DAB1: variants seen among roughly 807,000 people sequenced by gnomAD.
DAB1 encodes DAB adaptor protein 1.
Under a neutral mutation model 64.6 loss-of-function variants are expected in DAB1, and 15 were observed. That is an observed-to-expected ratio of 0.23 (90% CI 0.16 to 0.36). DAB1 has a LOEUF of 0.36. Among genes scored for constraint, DAB1 ranks in the 10% least tolerant of loss-of-function variants. The pLI, the probability that DAB1 is intolerant of heterozygous loss-of-function variation, is 1.00. For synonymous variants in DAB1, 235 were observed against 251.9 expected, an observed-to-expected ratio of 0.93 and a Z score of 0.64; for missense variants, 596 against 706.7, an observed-to-expected ratio of 0.84 and a Z score of 1.78.
At chr1:58,481,495 C>T (rs752482755) in intron 3 of DAB1, among the ~76,000 whole-genome samples, 2 of 151,612 alleles carry the variant, frequency 1.3e-5, no homozygotes, top group Non-Finnish European at 2.9e-5. Flanking sequence ...TCTAGCAGAC[C>T]GGAGAATCAT....
rs371204956 is a variant in DAB1, at chr1:57,217,713, C to A, written c.68-72284G>T. On this transcript the variant is annotated intron_variant, in intron 2 of 14. Transcript: ENST00000371236. ...TATTTTCCTGATAAAACTGTTCACCCTAATTCATAGTTCTGATGGTGACAC... is the reference window on the plus strand; with the variant it reads ...TATTTTCCTGATAAAACTGTTCACCATAATTCATAGTTCTGATGGTGACAC... Among the ~76,000 whole-genome samples the A allele has an allele frequency of 2.0e-5, 3 of 152,072 alleles. No individual in the cohort carries two copies. In the East Asian group the frequency reaches 5.8e-4, roughly 29 times the overall value.
chr1:57,234,867 A>AT (rs1346690993), intron 2 of DAB1, among the ~76,000 whole-genome samples: 1 of 152,128 alleles, frequency 6.6e-6, no homozygotes, highest in Non-Finnish European at 1.5e-5. Flanking sequence ...GGCTCAGCCT[A>AT]TTTTTTCTAA....
intron 2 of DAB1, among the ~76,000 whole-genome samples, chr1:57,159,358 G>A (rs1025925852): frequency 1.3e-5 from 2 of 152,238 alleles, no homozygotes; most frequent in South Asian, 4.1e-4. Flanking sequence ...TTTCTCTGAG[G>A]AAAAGACTAA....
At chr1:58,358,382 AG>A (rs1409536385) in intron 3 of DAB1, among the ~76,000 whole-genome samples, 3 of 152,232 alleles carry the variant, frequency 2.0e-5, no homozygotes, top group Non-Finnish European at 4.4e-5. Flanking sequence ...CGCTTGACAA[AG>A]GAAAAGAAAG....
chr1:57,796,127 A>C (rs193115653), intron 6 of DAB1, among the ~76,000 whole-genome samples: 1 of 152,260 alleles, frequency 6.6e-6, no homozygotes, highest in East Asian at 1.9e-4. Flanking sequence ...GACAGTTGGC[A>C]GGAAAAATAA....
chr1:57,572,965 C>G (rs183257567), intron 7 of DAB1, among the ~76,000 whole-genome samples: 8 of 152,320 alleles, frequency 5.3e-5, no homozygotes, highest in Non-Finnish European at 7.4e-5. Flanking sequence ...AGGATCCACT[C>G]TCATGACCCA....
intron 1 of DAB1, among the ~76,000 whole-genome samples, chr1:57,860,020 A>G (rs1653937892): frequency 6.6e-6 from 1 of 152,152 alleles, no homozygotes; most frequent in Non-Finnish European, 1.5e-5. Context: ...GCTCCTGAAC[A>G]ACACTTATTA....
In DAB1 at chr1:58,273,415, C is replaced by T. The variant is rs1437383739; in HGVS notation, n.309+69937G>A. ...GATGGGCTTCCCTTTGAGGGTAACCCGACCTTTCTCTCTGGCTGCCCTTAA... is the reference window on the plus strand; with the variant it reads ...GATGGGCTTCCCTTTGAGGGTAACCTGACCTTTCTCTCTGGCTGCCCTTAA... On this transcript the variant is annotated intron_variant and non_coding_transcript_variant, in intron 4 of 20. Transcript: ENST00000485760. 2.6e-4 allele frequency among the ~76,000 whole-genome samples: 7 copies of T among 27,222 alleles called. 2 individuals are homozygous for T. Among genetic ancestry groups the T allele is most frequent in the Non-Finnish European group, 4.9e-4 (6 of 12,282 alleles). The allele number at this position is 27,222 out of a possible 152,430, so 17.9% of individuals were successfully genotyped here.
chr1:57,520,409 T>C (rs1644511615), intron 7 of DAB1, among the ~76,000 whole-genome samples: 1 of 152,192 alleles, frequency 6.6e-6, no homozygotes. Flanking sequence ...GACGTTTCTT[T>C]TCTAAGTTCA....
chr1:58,359,792 T>C (rs1644147179), intron 3 of DAB1, among the ~76,000 whole-genome samples: 1 of 151,918 alleles, frequency 6.6e-6, no homozygotes, highest in South Asian at 2.1e-4. Flanking sequence ...TGGAAGATGA[T>C]GATGATAACA....
At chr1:57,868,712 G>A (rs193044064) in intron 1 of DAB1, among the ~76,000 whole-genome samples, 23 of 152,212 alleles carry the variant, frequency 1.5e-4, no homozygotes, top group Admixed American at 3.3e-4. Flanking sequence ...GTTATTCCCA[G>A]AGGCTATCAC....
At chr1:58,244,768 G>A (rs1557711690) in intron 4 of DAB1, among the ~76,000 whole-genome samples, 1 of 152,168 alleles carries the variant, frequency 6.6e-6, no homozygotes, top group African/African-American at 2.4e-5. Context: ...TGTTCCAGCT[G>A]AGAATAAACT....
intron 3 of DAB1, among the ~76,000 whole-genome samples, chr1:58,376,286 G>T (rs1339795574): frequency 1.4e-5 from 2 of 140,626 alleles, no homozygotes; most frequent in Non-Finnish European, 3.1e-5. Flanking sequence ...GTCAATTTTG[G>T]ATCTTTCCTG....
chr1:58,423,140 C>T (rs1169550295), intron 3 of DAB1, among the ~76,000 whole-genome samples: 1 of 152,186 alleles, frequency 6.6e-6, no homozygotes, highest in Admixed American at 6.5e-5. Flanking sequence ...TCTTCAGCCC[C>T]AGAGCCCTAT....
intron 1 of DAB1, chr1:57,826,464 A>G (rs1286721688): frequency 1.3e-5 from 2 of 152,258 alleles, no homozygotes; most frequent in Non-Finnish European, 2.9e-5. Flanking sequence ...TCCTGCAGGA[A>G]AACTAGGAAT....
At chr1:57,306,260 T>C (rs556241166) in intron 1 of DAB1, among the ~76,000 whole-genome samples, 2 of 152,142 alleles carry the variant, frequency 1.3e-5, no homozygotes, top group African/African-American at 2.4e-5. Context: ...CTTCATAAAT[T>C]GTCACTCCTT....
chr1:57,594,862 C>T (rs1645487770), intron 7 of DAB1, among the ~76,000 whole-genome samples: 2 of 152,210 alleles, frequency 1.3e-5, no homozygotes, highest in South Asian at 4.2e-4. Context: ...AGGCGCCTGC[C>T]ACCACGCCTG....
intron 5 of DAB1, among the ~76,000 whole-genome samples, chr1:58,057,005 A>G (rs1374883195): frequency 6.6e-6 from 1 of 150,778 alleles, no homozygotes; most frequent in Non-Finnish European, 1.5e-5. Context: ...CCTTTATTAA[A>G]CCCTCTTTGA....
At chr1:57,607,007 G>A (rs963068870) in intron 7 of DAB1, among the ~76,000 whole-genome samples, 14 of 151,458 alleles carry the variant, frequency 9.2e-5, no homozygotes, top group Admixed American at 5.9e-4. Context: ...GGCTGGTCTC[G>A]AACTCCTGAC....
Sources: gnomAD v4.1 joint callset for allele counts (sites outside exome capture counted in the v4.1 genomes callset) on GRCh38, gnomAD v4.1.1 for gene constraint, MANE v1.5 for transcripts, NCBI Gene and HGNC (gene_info 2026-07-23, HGNC 2026-07-21) for gene names.